The following HDAC4 variants were observed in gnomAD, a reference collection of about 807,000 sequenced individuals.
The protein encoded by HDAC4 is histone deacetylase 4.
In HDAC4, 16 loss-of-function variants were observed where a neutral mutation model predicts 135.1. The observed-to-expected ratio is 0.12, with a 90% CI of 0.08 to 0.18. The LOEUF (loss-of-function observed/expected upper bound fraction) is 0.18, where lower values mean the gene tolerates loss of function less well. Ranked by LOEUF, HDAC4 falls within the 10% of genes least tolerant of loss-of-function variation. The probability of loss-of-function intolerance (pLI) is 1.00; values close to 1 mark genes in which losing one functional copy is unlikely to be tolerated. For synonymous variants in HDAC4, 685 were observed against 653.4 expected (o/e 1.05, Z -0.74); for missense variants, 1,143 against 1,511.8 (o/e 0.76, Z 4.05).
At chr2:239,125,095 T>TA (rs1038065157) in intron 12 of HDAC4, among the ~76,000 whole-genome samples, 31 of 152,384 alleles carry the variant, frequency 2.0e-4, no homozygotes, top group Admixed American at 7.8e-4. Context: ...TCACGACTGA[T>TA]ACGGTTATTA....
chr2:239,134,360 G>C lies in HDAC4; in HGVS notation c.1179C>G (p.Leu393=). 1 of 1,614,026 alleles carries C rather than the reference G, an allele frequency of 6.2e-7. No homozygotes were observed. The highest frequency in any genetic ancestry group is 1.1e-5 in the South Asian group (1 of 91,076). ...AGGGCGAGGTGCTCAGGTAGGGAGT[G>C]AGGTGGGTGCCGGGGAAAAGGGAGA... ...QRLSLFPGTH[L]TPYLSTSPLE... Residue 393 remains leucine, a synonymous_variant, in exon 11 of 27, where the codon CTC becomes CTG. Coordinates refer to ENST00000543185, the MANE Select transcript of HDAC4 (RefSeq NM_001378414.1).
intron 16 of HDAC4, among the ~76,000 whole-genome samples, chr2:239,100,414 G>C (rs1055456617): frequency 1.3e-5 from 2 of 152,186 alleles, no homozygotes; most frequent in African/African-American, 4.8e-5. Context: ...TTCTCTGAAC[G>C]TTCTGTGCTT....
At chr2:239,301,276 G>A (rs1682671585) in intron 2 of HDAC4, among the ~76,000 whole-genome samples, 1 of 152,126 alleles carries the variant, frequency 6.6e-6, no homozygotes, top group African/African-American at 2.4e-5. Context: ...AGGGGCGATG[G>A]TGGGGCGTAT....
intron 17 of HDAC4, among the ~76,000 whole-genome samples, chr2:239,093,477 C>T (rs1465289865): frequency 2.6e-5 from 4 of 152,224 alleles, no homozygotes; most frequent in Non-Finnish European, 4.4e-5. Flanking sequence ...CAGGTGCATC[C>T]CACACCAGGG....
chr2:239,380,088 G>A (rs571916917), intron 1 of HDAC4, among the ~76,000 whole-genome samples: 7 of 152,350 alleles, frequency 4.6e-5, no homozygotes, highest in South Asian at 2.1e-4. Flanking sequence ...TCGGGGGCGC[G>A]GCGTGGGCCC....
intron 2 of HDAC4, among the ~76,000 whole-genome samples, chr2:239,339,625 G>A (rs949406280): frequency 2.0e-5 from 3 of 152,126 alleles, no homozygotes; most frequent in African/African-American, 7.2e-5. Flanking sequence ...CAGAGCTCCA[G>A]AGCAGAATCT....
intron 4 of HDAC4, among the ~76,000 whole-genome samples, chr2:239,177,255 G>C (rs776892451): frequency 2.0e-5 from 3 of 152,214 alleles, no homozygotes; most frequent in African/African-American, 7.2e-5. Flanking sequence ...AAGACCCTCC[G>C]CTGAGCCTCT....
At chr2:239,390,582 C>T (rs898840897) in intron 1 of HDAC4, among the ~76,000 whole-genome samples, 3 of 152,020 alleles carry the variant, frequency 2.0e-5, no homozygotes, top group African/African-American at 7.3e-5. Flanking sequence ...TTGGAAGCCA[C>T]CCCCAAAAAT....
intron 2 of HDAC4, among the ~76,000 whole-genome samples, chr2:239,293,846 C>T (rs904835314): frequency 2.6e-5 from 4 of 152,212 alleles, no homozygotes; most frequent in South Asian, 2.1e-4. Context: ...AACCTGACGG[C>T]GAGAACGCCA....
At chr2:239,140,878 G>C (rs1032137970) in intron 8 of HDAC4, 8 of 445,916 alleles carry the variant, frequency 1.8e-5, no homozygotes, top group Non-Finnish European at 3.3e-5. Flanking sequence ...GCTGACTCAC[G>C]TGGTATCCAC....
intron 6 of HDAC4, among the ~76,000 whole-genome samples, chr2:239,161,585 A>G (rs1013224546): frequency 7.0e-4 from 107 of 152,284 alleles, no homozygotes; most frequent in African/African-American, 1.9e-3. Context: ...AAAACAAGAA[A>G]ACCACCAGGC....
chr2:239,079,931 G>A (rs943958848), intron 22 of HDAC4, among the ~76,000 whole-genome samples: 4 of 152,068 alleles, frequency 2.6e-5, no homozygotes, highest in African/African-American at 9.7e-5. Flanking sequence ...ACACAGACAT[G>A]CATCCACACC....
chr2:239,377,897 G>A (rs1695134793), intron 1 of HDAC4, among the ~76,000 whole-genome samples: 1 of 152,102 alleles, frequency 6.6e-6, no homozygotes, highest in Non-Finnish European at 1.5e-5. Flanking sequence ...ATGCCACAGG[G>A]GGAGCGCCCC....
intron 1 of HDAC4, among the ~76,000 whole-genome samples, chr2:239,384,233 G>A (rs1695627416): frequency 6.6e-6 from 1 of 152,124 alleles, no homozygotes; most frequent in Admixed American, 6.5e-5. Flanking sequence ...ACCTGCGTGG[G>A]CTGAAAAGAT....
chr2:239,111,150 C>T (rs1324255949), intron 14 of HDAC4, among the ~76,000 whole-genome samples: 1 of 152,202 alleles, frequency 6.6e-6, no homozygotes, highest in Non-Finnish European at 1.5e-5. Flanking sequence ...ACGCTGTGGA[C>T]GTGGGCGAAG....
intron 2 of HDAC4, among the ~76,000 whole-genome samples, chr2:239,316,638 G>A (rs1005750388): frequency 2.0e-5 from 3 of 152,122 alleles, no homozygotes; most frequent in Admixed American, 6.5e-5. Context: ...GTGTATGGCT[G>A]TCCACAGGAA....
chr2:239,174,766 C>A (rs2043652828), intron 5 of HDAC4, among the ~76,000 whole-genome samples: 1 of 152,184 alleles, frequency 6.6e-6, no homozygotes, highest in Non-Finnish European at 1.5e-5. Flanking sequence ...TACATTGGTG[C>A]ATTTATAAAT....
chr2:239,250,990 C>G (rs1047149938), intron 2 of HDAC4, among the ~76,000 whole-genome samples: 3 of 152,198 alleles, frequency 2.0e-5, no homozygotes, highest in African/African-American at 4.8e-5. Context: ...ATCAACTTAC[C>G]GGTGCAGCCA....
chr2:239,059,011 C>T (rs1232745909), intron 24 of HDAC4, among the ~76,000 whole-genome samples: 1 of 152,222 alleles, frequency 6.6e-6, no homozygotes, highest in Non-Finnish European at 1.5e-5. Context: ...ACTTCCTTTT[C>T]TTACCACAGT....
Sources: allele counts gnomAD v4.1 joint callset (sites outside exome capture counted in the v4.1 genomes callset), GRCh38; gene constraint gnomAD v4.1.1; transcripts MANE v1.5; gene names NCBI Gene and HGNC (gene_info 2026-07-23, HGNC 2026-07-21).